The following THSD7B variants were observed in gnomAD, a reference collection of about 807,000 sequenced individuals.
The protein encoded by THSD7B is thrombospondin type-1 domain-containing protein 7B.
Under a neutral mutation model 213.6 loss-of-function variants are expected in THSD7B, and 138 were observed. The observed-to-expected ratio is 0.65, with a 90% CI of 0.56 to 0.74. The LOEUF is 0.74. THSD7B is among the 30% of genes least tolerant of loss of function. The pLI is 0.00. For synonymous variants in THSD7B, 742 were observed against 687.0 expected, an observed-to-expected ratio of 1.08 and a Z score of -1.25; for missense variants, 1,931 against 1,991.5, an observed-to-expected ratio of 0.97 and a Z score of 0.58.
chr2:137,409,764 G>T (rs186744394), intron 13 of THSD7B, among the ~76,000 whole-genome samples: 98 of 152,130 alleles, frequency 6.4e-4, no homozygotes, highest in African/African-American at 2.3e-3. Context: ...ATGGGGTGAG[G>T]GTGAGGAACA....
At position 137,018,133 on chromosome 2, in the gene THSD7B, A is replaced by G. The variant is rs554846144; in HGVS notation, c.140-38287A>G. On this transcript the variant is annotated intron_variant, in intron 2 of 27. Coordinates refer to ENST00000409968, the MANE Select transcript of THSD7B (RefSeq NM_001316349.2). Reference sequence around the variant, plus strand: ...CAATGCTCTCTTTTTAAAGTCAACAATCCTTAAATATAAGAAAAATATCAG... The same window carrying G: ...CAATGCTCTCTTTTTAAAGTCAACAGTCCTTAAATATAAGAAAAATATCAG... Among the ~76,000 whole-genome samples, 7 of 152,186 alleles carry G rather than the reference A, an allele frequency of 4.6e-5. 1 individual carries two copies. The South Asian group carries it at 1.4e-3, about 32-fold the overall frequency.
Position 137,029,234 on chromosome 2 carries a change from A to G in THSD7B, c.140-27186A>G, listed in dbSNP as rs1275544631. Among the ~76,000 whole-genome samples the G allele has an allele frequency of 5.3e-5, 8 of 151,958 alleles. No homozygotes were observed. In the East Asian group the frequency reaches 1.5e-3, roughly 29 times the overall value. ...GCTGGGACTACAGGCACCTGCCAAC[A>G]TGCCAGGCCAATTTTTGTATTTTTA... is the stretch of plus-strand genomic sequence containing the variant. On this transcript the variant is annotated intron_variant, in intron 2 of 27. Transcript: ENST00000409968.
At chr2:137,317,739 A>G (rs1412653703) in intron 12 of THSD7B, among the ~76,000 whole-genome samples, 1 of 152,078 alleles carries the variant, frequency 6.6e-6, no homozygotes, top group Non-Finnish European at 1.5e-5. Flanking sequence ...ACATAACCAG[A>G]CCTTGTCTCT....
At chr2:137,069,394 A>G (rs953378052) in intron 3 of THSD7B, among the ~76,000 whole-genome samples, 1 of 151,998 alleles carries the variant, frequency 6.6e-6, no homozygotes, top group African/African-American at 2.4e-5. Context: ...GACTAGGAAG[A>G]CTGTTTATAT....
chr2:136,962,337 C>T (rs1222914082), intron 2 of THSD7B, among the ~76,000 whole-genome samples: 2 of 147,708 alleles, frequency 1.4e-5, no homozygotes, highest in African/African-American at 4.9e-5. Flanking sequence ...TGTCAAGTTG[C>T]TACATTCGTG....
At chr2:137,006,373 T>C (rs1419221451) in intron 2 of THSD7B, among the ~76,000 whole-genome samples, 1 of 152,196 alleles carries the variant, frequency 6.6e-6, no homozygotes, top group East Asian at 1.9e-4. Context: ...CCAGCCTGGG[T>C]GACAGAGTGA....
At chr2:136,904,984 G>A (rs1353454963) in intron 2 of THSD7B, among the ~76,000 whole-genome samples, 1 of 152,136 alleles carries the variant, frequency 6.6e-6, no homozygotes, top group East Asian at 1.9e-4. Context: ...CTGTGGGAGG[G>A]GAAGTGACTC....
intron 15 of THSD7B, among the ~76,000 whole-genome samples, chr2:137,455,560 C>T (rs1246193547): frequency 6.6e-6 from 1 of 152,170 alleles, no homozygotes; most frequent in Non-Finnish European, 1.5e-5. Context: ...AAACCTATCA[C>T]CATGATAGCT....
chr2:136,940,750 T>C (rs889909737), intron 2 of THSD7B, among the ~76,000 whole-genome samples: 1 of 147,788 alleles, frequency 6.8e-6, no homozygotes. Context: ...ATATTTTTTC[T>C]TATTCCCATT....
rs576189768 is a variant in THSD7B at position 137,424,815 on chromosome 2, T to C, written c.2959+12943T>C. 3.3e-5 allele frequency among the ~76,000 whole-genome samples: 5 copies of C among 152,234 alleles called. No homozygotes were observed. In the South Asian group the frequency reaches 1.0e-3, roughly 32 times the overall value. On this transcript the variant is annotated intron_variant, in intron 14 of 27. Transcript: ENST00000409968. ...GGCCGGGCACAGTGGTTCACGCCTG[T>C]AATCCCAGCACTTTGGGAGGCCGAG...
intron 2 of THSD7B, among the ~76,000 whole-genome samples, chr2:136,984,489 C>T (rs755927897): frequency 1.3e-5 from 2 of 152,138 alleles, no homozygotes; most frequent in Non-Finnish European, 2.9e-5. Context: ...CTAGCTTTGC[C>T]CTTTGCTTCC....
chr2:137,660,602 G>A (rs2104821041), intron 25 of THSD7B, among the ~76,000 whole-genome samples: 1 of 152,212 alleles, frequency 6.6e-6, no homozygotes, highest in South Asian at 2.1e-4. Context: ...AGAAATTGTA[G>A]CTTTTCACCA....
intron 17 of THSD7B, among the ~76,000 whole-genome samples, chr2:137,613,887 G>T (rs935819337): frequency 4.6e-5 from 7 of 152,024 alleles, no homozygotes; most frequent in Non-Finnish European, 8.8e-5. Context: ...TAGAGAGAAA[G>T]AAATAAGGAT....
At chr2:137,182,374 C>T (rs962943244) in intron 7 of THSD7B, among the ~76,000 whole-genome samples, 1 of 152,132 alleles carries the variant, frequency 6.6e-6, no homozygotes, top group African/African-American at 2.4e-5. Flanking sequence ...GCCTGGAGAA[C>T]ATAATATTGA....
chr2:137,282,329 A>G lies in THSD7B; in HGVS notation c.2500+6303A>G, dbSNP rs1459098058. On this transcript the variant is annotated intron_variant, in intron 12 of 27. Transcript: ENST00000409968. ...GCCCTTTGTCAGATGAGTAGGTTGC[A>G]AAAGTTTTCTCCCGTTCTGTAGGTT... Among the ~76,000 whole-genome samples the G allele has an allele frequency of 3.3e-5, 5 of 152,056 alleles. No individual in the cohort carries two copies. In the East Asian group the frequency reaches 9.6e-4, roughly 29 times the overall value.
chr2:137,120,114 C>A (rs1688521627), intron 5 of THSD7B, among the ~76,000 whole-genome samples: 1 of 152,014 alleles, frequency 6.6e-6, no homozygotes. Flanking sequence ...AAGAGAGAAG[C>A]AGAGATAACG....
rs777353589 is a variant in THSD7B at position 136,807,509 on chromosome 2, G to GTTTTTTTTTTTTT, written c.-36+41826_-36+41838dup. Among the ~76,000 whole-genome samples, 775 of 104,750 alleles carry GTTTTTTTTTTTTT rather than the reference G, an allele frequency of 7.4e-3. 105 individuals carry two copies. Among genetic ancestry groups the GTTTTTTTTTTTTT allele is most frequent in the African/African-American group, 0.016 (443 of 26,982 alleles). 68.7% of individuals were successfully genotyped at this position (104,750 alleles called of 152,430 possible). On this transcript the variant is annotated intron_variant, in intron 1 of 27. Transcript: ENST00000409968. ...ACTTCCTAGCACTACAAAATGTTTCGTTTTTTTTTTTTTTTTGAGACGGAG... is the reference window on the plus strand; with the variant it reads ...ACTTCCTAGCACTACAAAATGTTTCGTTTTTTTTTTTTTTTTTTTTTTTTTTTTTGAGACGGAG...
At chr2:136,947,628 G>A (rs116016244) in intron 2 of THSD7B, among the ~76,000 whole-genome samples, 2,171 of 152,010 alleles carry the variant, frequency 0.014, 68 homozygotes, top group African/African-American at 0.049. Flanking sequence ...CCCTGGTCAC[G>A]TCCCTGCAAA....
At chr2:136,937,232 G>A (rs1684750854) in intron 2 of THSD7B, among the ~76,000 whole-genome samples, 1 of 151,826 alleles carries the variant, frequency 6.6e-6, no homozygotes, top group South Asian at 2.1e-4. Flanking sequence ...CCACTCTGGT[G>A]TACTCAAGTT....
Sources: gnomAD v4.1 joint callset for allele counts (sites outside exome capture counted in the v4.1 genomes callset) on GRCh38, gnomAD v4.1.1 for gene constraint, MANE v1.5 for transcripts, NCBI Gene and HGNC (gene_info 2026-07-23, HGNC 2026-07-21) for gene names.